PEX5L: variants seen among roughly 807,000 people sequenced by gnomAD.
PEX5L encodes the protein peroxisomal biogenesis factor 5 like.
In PEX5L, 30 loss-of-function variants were observed where a neutral mutation model predicts 84.0. That is an observed-to-expected ratio of 0.36 (90% CI 0.27 to 0.48). The LOEUF (loss-of-function observed/expected upper bound fraction) is 0.48. Among genes scored for constraint, PEX5L ranks in the 20% least tolerant of loss-of-function variants. The pLI is 0.99. For missense variants in PEX5L, 533 were observed against 754.6 expected (o/e 0.71, Z 3.44); for synonymous variants, 270 against 283.1 (o/e 0.95, Z 0.46).
At chr3:179,999,797 T>C (rs931144392) in intron 1 of PEX5L, among the ~76,000 whole-genome samples, 3 of 152,212 alleles carry the variant, frequency 2.0e-5, no homozygotes, top group African/African-American at 7.2e-5. Flanking sequence ...AGTGGGCTCA[T>C]GCTCATGGAA....
intron 1 of PEX5L, among the ~76,000 whole-genome samples, chr3:179,982,439 T>C (rs13100713): frequency 0.16 from 24,826 of 152,116 alleles, 2,287 homozygotes; most frequent in Admixed American, 0.25. Flanking sequence ...TCTTTGCATC[T>C]TTCCTGTCTT....
At chr3:179,836,424 T>C (rs1734940269) in intron 8 of PEX5L, among the ~76,000 whole-genome samples, 1 of 152,164 alleles carries the variant, frequency 6.6e-6, no homozygotes, top group African/African-American at 2.4e-5. Flanking sequence ...TGAGCTCCTA[T>C]ACTAGGCCCA....
intron 8 of PEX5L, among the ~76,000 whole-genome samples, chr3:179,843,494 T>C (rs1384623807): frequency 5.9e-5 from 9 of 152,210 alleles, no homozygotes; most frequent in Admixed American, 5.9e-4. Flanking sequence ...GGGCAGCAAG[T>C]AGTGGAGAAC....
At chr3:179,851,300 G>A (rs1741760915) in intron 8 of PEX5L, among the ~76,000 whole-genome samples, 1 of 152,166 alleles carries the variant, frequency 6.6e-6, no homozygotes, top group Non-Finnish European at 1.5e-5. Flanking sequence ...TGTCTGGTGA[G>A]GGCCTGGTCT....
intron 2 of PEX5L, among the ~76,000 whole-genome samples, chr3:179,950,949 G>A (rs897306412): frequency 9.2e-5 from 14 of 152,156 alleles, no homozygotes; most frequent in African/African-American, 2.9e-4. Flanking sequence ...ATGGCAAAGG[G>A]TACCAGATTG....
At chr3:179,840,086 C>A (rs1456234247) in intron 8 of PEX5L, among the ~76,000 whole-genome samples, 1 of 150,970 alleles carries the variant, frequency 6.6e-6, no homozygotes, top group Non-Finnish European at 1.5e-5. Context: ...GGGGCCAGAT[C>A]AGGTCCCATG....
At chr3:180,024,818 C>A (rs1790798744) in intron 1 of PEX5L, among the ~76,000 whole-genome samples, 1 of 152,078 alleles carries the variant, frequency 6.6e-6, no homozygotes, top group South Asian at 2.1e-4. Context: ...GACATCATAA[C>A]GTTCTGTCAT....
intron 1 of PEX5L, among the ~76,000 whole-genome samples, chr3:179,983,682 T>C (rs553128306): frequency 3.3e-5 from 5 of 152,202 alleles, no homozygotes; most frequent in Admixed American, 6.5e-5. Context: ...CTGGCTTTTT[T>C]TCTTTTTTCC....
At chr3:179,951,814 G>A (rs1779167202) in intron 2 of PEX5L, among the ~76,000 whole-genome samples, 1 of 152,166 alleles carries the variant, frequency 6.6e-6, no homozygotes, top group African/African-American at 2.4e-5. Context: ...CATGCCATGT[G>A]GTCCATGGGG....
rs1718283056 is a variant in PEX5L at position 179,799,680 on chromosome 3, G to T, written c.*2148C>A. The T allele has an allele frequency of 6.6e-6, 1 of 152,206 alleles. No homozygotes were observed. Among genetic ancestry groups the T allele is most frequent in the African/African-American group, 2.4e-5 (1 of 41,440 alleles). 9.4% of individuals were successfully genotyped at this position (152,206 alleles called of 1,614,324 possible). A position where few individuals can be genotyped will look rare whatever the true frequency, so the allele number is the denominator to read the frequency against. Reference sequence around the variant, plus strand: ...ATGAACTATTCATGCCGACTTTCTGGTCAAGGTACAGAGATGGCAGGAGGA... The same window carrying T: ...ATGAACTATTCATGCCGACTTTCTGTTCAAGGTACAGAGATGGCAGGAGGA... On this transcript the variant is annotated 3_prime_UTR_variant, in exon 15 of 15. Transcript: ENST00000467460.
At position 179,903,058 on chromosome 3, in the gene PEX5L, A is replaced by T. The variant is rs566565122; in HGVS notation, c.94-4812T>A. On this transcript the variant is annotated intron_variant, in intron 2 of 14. Coordinates refer to ENST00000467460, the MANE Select transcript of PEX5L (RefSeq NM_016559.3). ...CTCTAATATTTTCATGAATTTTTTT[A>T]AAAAAATTATTTTATTTTATAATAC... Among the ~76,000 whole-genome samples, 1,126 of 152,214 alleles carry T rather than the reference A, an allele frequency of 7.4e-3. 6 individuals carry two copies. Among genetic ancestry groups the T allele is most frequent in the Non-Finnish European group, 0.011 (766 of 67,998 alleles).
intron 2 of PEX5L, among the ~76,000 whole-genome samples, chr3:179,931,933 CAT>C (rs10575681): frequency 0.78 from 118,580 of 151,944 alleles, 46,562 homozygotes; most frequent in African/African-American, 0.85. Flanking sequence ...CTTCTAAATG[CAT>C]ATATGGCCTT....
At chr3:179,861,097 T>C (rs1745964335) in intron 7 of PEX5L, among the ~76,000 whole-genome samples, 1 of 152,262 alleles carries the variant, frequency 6.6e-6, no homozygotes, top group African/African-American at 2.4e-5. Context: ...ATGTGGAACG[T>C]TTATTTATTA....
chr3:179,844,813 G>C (rs1738699078), intron 8 of PEX5L, among the ~76,000 whole-genome samples: 1 of 152,194 alleles, frequency 6.6e-6, no homozygotes, highest in African/African-American at 2.4e-5. Flanking sequence ...CTGGGCGACA[G>C]AGCGAGACTC....
chr3:179,947,329 T>C (rs1321076999), intron 2 of PEX5L, among the ~76,000 whole-genome samples: 2 of 152,050 alleles, frequency 1.3e-5, no homozygotes, highest in African/African-American at 4.8e-5. Context: ...ATAATAAATA[T>C]TACACAATAA....
rs9855511 is a variant in PEX5L at position 180,024,636 on chromosome 3, T to C, written c.21+11943A>G. 8.9e-3 allele frequency among the ~76,000 whole-genome samples: 1,344 copies of C among 151,724 alleles called. 19 individuals carry two copies. Among genetic ancestry groups the C allele is most frequent in the African/African-American group, 0.031 (1,280 of 41,342 alleles). On this transcript the variant is annotated intron_variant, in intron 1 of 14. Transcript: ENST00000467460. Reference sequence around the variant, plus strand: ...CACTGGATGACCATTGTATGACCATTGTGAGTACAGCTCCTTCCTTGGATC... The same window carrying C: ...CACTGGATGACCATTGTATGACCATCGTGAGTACAGCTCCTTCCTTGGATC...
chr3:179,898,275 G>T, intron 2 of PEX5L, 29 bp from the exon 3 acceptor site: 2 of 1,428,622 alleles, frequency 1.4e-6, no homozygotes, highest in Middle Eastern at 1.8e-4. Context: ...CAATGACTGT[G>T]TCAGGAGAGA....
chr3:179,891,100 G>A (rs1757481993), intron 3 of PEX5L, among the ~76,000 whole-genome samples: 1 of 151,874 alleles, frequency 6.6e-6, no homozygotes, highest in Admixed American at 6.6e-5. Context: ...TATTCTGAGA[G>A]ACTTCAGGAA....
chr3:179,869,538 A>G (rs954752460), intron 7 of PEX5L, among the ~76,000 whole-genome samples: 4 of 152,176 alleles, frequency 2.6e-5, no homozygotes, highest in Non-Finnish European at 5.9e-5. Context: ...GGTACCCCAA[A>G]ACATGGCACT....
Sources: gnomAD v4.1 joint callset for allele counts (sites outside exome capture counted in the v4.1 genomes callset) on GRCh38, gnomAD v4.1.1 for gene constraint, MANE v1.5 for transcripts, NCBI Gene and HGNC (gene_info 2026-07-23, HGNC 2026-07-21) for gene names.